WDR70: variants seen among roughly 807,000 people sequenced by gnomAD.
WDR70 encodes the protein WD repeat-containing protein 70.
WDR70 carries 53 observed loss-of-function variants against 88.6 expected under a neutral mutation model. The observed-to-expected ratio is 0.60, with a 90% confidence interval of 0.48 to 0.75. WDR70 has a LOEUF of 0.75. WDR70 is among the 30% of genes least tolerant of loss of function. The pLI, the probability that WDR70 is intolerant of heterozygous loss-of-function variation, is 0.00. For synonymous variants in WDR70, 280 were observed against 270.0 expected, an observed-to-expected ratio of 1.04 and a Z score of -0.36; for missense variants, 610 against 823.2, an observed-to-expected ratio of 0.74 and a Z score of 3.17.
chr5:37,403,425 T>C (rs1226955186), intron 5 of WDR70, among the ~76,000 whole-genome samples: 2 of 152,196 alleles, frequency 1.3e-5, no homozygotes, highest in Non-Finnish European at 2.9e-5. Context: ...CTTTCCCCAC[T>C]GCAGCAAGAT....
At chr5:37,555,229 C>T (rs1169204534) in intron 9 of WDR70, among the ~76,000 whole-genome samples, 2 of 152,180 alleles carry the variant, frequency 1.3e-5, no homozygotes, top group African/African-American at 4.8e-5. Flanking sequence ...TGATATGAGG[C>T]AGTCTTTTTT....
intron 10 of WDR70, among the ~76,000 whole-genome samples, chr5:37,675,076 G>A (rs909385459): frequency 9.9e-5 from 15 of 151,780 alleles, no homozygotes; most frequent in Non-Finnish European, 1.2e-4. Flanking sequence ...TTTTTGATGC[G>A]GTTGTTTGTT....
chr5:37,600,146 G>A (rs1438716256), intron 9 of WDR70, among the ~76,000 whole-genome samples: 1 of 152,134 alleles, frequency 6.6e-6, no homozygotes, highest in Non-Finnish European at 1.5e-5. Context: ...CATCAAGAAA[G>A]TGAAAAGAAA....
At chr5:37,506,175 G>T (rs754927102) in intron 8 of WDR70, 8 of 1,040,944 alleles carry the variant, frequency 7.7e-6, no homozygotes, top group African/African-American at 1.6e-5. Context: ...AGAAACATCA[G>T]CACCACTGAA....
intron 11 of WDR70, among the ~76,000 whole-genome samples, chr5:37,698,141 C>G (rs1747037029): frequency 1.3e-5 from 2 of 151,648 alleles, no homozygotes; most frequent in Admixed American, 6.6e-5. Flanking sequence ...TTGACCATTG[C>G]TTTTTTTTCT....
chr5:37,407,660 G>A (rs992251393), intron 5 of WDR70, among the ~76,000 whole-genome samples: 1 of 151,974 alleles, frequency 6.6e-6, no homozygotes, highest in African/African-American at 2.4e-5. Flanking sequence ...TTATGCACAC[G>A]TAGGCTATCT....
At chr5:37,711,987 C>CTTTTTT (rs70978842) in intron 13 of WDR70, among the ~76,000 whole-genome samples, 33 of 103,994 alleles carry the variant, frequency 3.2e-4, no homozygotes, top group East Asian at 5.4e-4. Flanking sequence ...TATATTTTTT[C>CTTTTTT]TTTTTTTTTT....
chr5:37,694,565 A>G (rs1746921421), intron 10 of WDR70, among the ~76,000 whole-genome samples: 1 of 152,166 alleles, frequency 6.6e-6, no homozygotes, highest in African/African-American at 2.4e-5. Flanking sequence ...ATGAAGTTGG[A>G]AACCATCATT....
intron 5 of WDR70, among the ~76,000 whole-genome samples, chr5:37,399,853 G>A (rs369980593): frequency 1.3e-5 from 2 of 152,100 alleles, no homozygotes; most frequent in African/African-American, 4.8e-5. Flanking sequence ...GTGTGTTTGT[G>A]CATGTGTGTG....
chr5:37,577,837 T>G (rs962852026), intron 9 of WDR70, among the ~76,000 whole-genome samples: 1 of 152,198 alleles, frequency 6.6e-6, no homozygotes, highest in African/African-American at 2.4e-5. Context: ...GTCTGGCTGA[T>G]AGTTGGAAAT....
chr5:37,495,842 A>G (rs1740199651), intron 8 of WDR70, among the ~76,000 whole-genome samples: 1 of 152,214 alleles, frequency 6.6e-6, no homozygotes, highest in Non-Finnish European at 1.5e-5. Context: ...AATTTTGGTC[A>G]CTGTTTTAAC....
At chr5:37,442,503 A>G (rs765378029) in intron 6 of WDR70, among the ~76,000 whole-genome samples, 1 of 151,820 alleles carries the variant, frequency 6.6e-6, no homozygotes, top group Admixed American at 6.6e-5. Flanking sequence ...TTGTATTTTT[A>G]GTAAAGATGG....
At chr5:37,592,804 C>G (rs566051526) in intron 9 of WDR70, among the ~76,000 whole-genome samples, 1 of 152,270 alleles carries the variant, frequency 6.6e-6, no homozygotes, top group South Asian at 2.1e-4. Flanking sequence ...GAAAGGCTTA[C>G]TGATTGGAAG....
chr5:37,434,262 C>G (rs1182697265), intron 5 of WDR70, among the ~76,000 whole-genome samples: 1 of 152,172 alleles, frequency 6.6e-6, no homozygotes, highest in Non-Finnish European at 1.5e-5. Context: ...CCCCATGATC[C>G]AGTTACCTCC....
At position 37,567,349 on chromosome 5, in the gene WDR70, AC is replaced by A. The variant is rs1742774475; in HGVS notation, c.918-37714del. ...TCAGAGGAAGAATGGGTTTCACTTT[AC>A]AAAATTTTGTTCTGCCCACAGAATT... On this transcript the variant is annotated intron_variant, in intron 9 of 17. Coordinates refer to ENST00000265107, the MANE Select transcript of WDR70 (RefSeq NM_018034.4). Among the ~76,000 whole-genome samples the A allele has an allele frequency of 2.0e-5, 3 of 152,286 alleles. No homozygotes were observed. In the South Asian group the frequency reaches 6.2e-4, roughly 32 times the overall value.
At chr5:37,590,953 C>T (rs1274198948) in intron 9 of WDR70, among the ~76,000 whole-genome samples, 1 of 152,008 alleles carries the variant, frequency 6.6e-6, no homozygotes, top group Non-Finnish European at 1.5e-5. Flanking sequence ...AAGGAAAGAG[C>T]AGATGAATAA....
intron 9 of WDR70, among the ~76,000 whole-genome samples, chr5:37,595,169 A>G (rs961924803): frequency 6.6e-6 from 1 of 152,196 alleles, no homozygotes; most frequent in African/African-American, 2.4e-5. Context: ...CAGAACTTCC[A>G]ACACTATGTT....
intron 9 of WDR70, among the ~76,000 whole-genome samples, chr5:37,551,938 A>G (rs1388091523): frequency 6.6e-6 from 1 of 151,438 alleles, no homozygotes; most frequent in Admixed American, 6.6e-5. Context: ...TGCCCGGCTA[A>G]TTTTTGTATT....
At chr5:37,462,858 T>C (rs889757435) in intron 7 of WDR70, among the ~76,000 whole-genome samples, 1 of 152,134 alleles carries the variant, frequency 6.6e-6, no homozygotes, top group African/African-American at 2.4e-5. Flanking sequence ...TTCTCATGTT[T>C]TTTTCAGTGG....
Sources: allele counts gnomAD v4.1 joint callset (sites outside exome capture counted in the v4.1 genomes callset), GRCh38; gene constraint gnomAD v4.1.1; transcripts MANE v1.5; gene names NCBI Gene and HGNC (gene_info 2026-07-23, HGNC 2026-07-21).